The following GALNTL6 variants were observed in gnomAD, a reference collection of about 807,000 sequenced individuals.
GALNTL6 encodes polypeptide N-acetylgalactosaminyltransferase-like 6.
GALNTL6 carries 46 observed loss-of-function variants against 73.7 expected under a neutral mutation model. The observed-to-expected ratio is 0.62, with a 90% CI of 0.49 to 0.80. The LOEUF (loss-of-function observed/expected upper bound fraction) is 0.80. Among genes scored for constraint, GALNTL6 ranks in the 30% least tolerant of loss-of-function variants. The pLI is 0.00. For synonymous variants in GALNTL6, 259 were observed against 263.7 expected (o/e 0.98, Z 0.17); for missense variants, 604 against 755.0 (o/e 0.80, Z 2.34).
At chr4:172,079,452 C>G (rs193226376) in intron 2 of GALNTL6, among the ~76,000 whole-genome samples, 70 of 151,966 alleles carry the variant, frequency 4.6e-4, no homozygotes, top group South Asian at 1.0e-3. Context: ...TTTCTTAGTT[C>G]TCTTTCTGTA....
At chr4:172,364,600 C>T (rs1489890341) in intron 5 of GALNTL6, among the ~76,000 whole-genome samples, 1 of 152,140 alleles carries the variant, frequency 6.6e-6, no homozygotes. Flanking sequence ...GATAACATTT[C>T]TTCCCTTAAC....
chr4:171,874,830 C>A (rs887288169), intron 2 of GALNTL6, among the ~76,000 whole-genome samples: 1 of 152,156 alleles, frequency 6.6e-6, no homozygotes, highest in African/African-American at 2.4e-5. Flanking sequence ...ATATCACAGA[C>A]CCTAACCTCA....
chr4:172,439,927 A>G (rs1479171535), intron 5 of GALNTL6, among the ~76,000 whole-genome samples: 2 of 152,024 alleles, frequency 1.3e-5, no homozygotes, highest in Non-Finnish European at 2.9e-5. Flanking sequence ...GCAAATCATA[A>G]TCACCCGAAG....
chr4:171,966,976 A>T (rs1461535793), intron 2 of GALNTL6, among the ~76,000 whole-genome samples: 1 of 152,218 alleles, frequency 6.6e-6, no homozygotes, highest in Non-Finnish European at 1.5e-5. Context: ...CTAATATAAG[A>T]TACTCCAAAT....
intron 2 of GALNTL6, among the ~76,000 whole-genome samples, chr4:172,005,921 A>C (rs1391476633): frequency 6.6e-6 from 1 of 152,132 alleles, no homozygotes; most frequent in Non-Finnish European, 1.5e-5. Flanking sequence ...CTTTTCTTCA[A>C]TATTGTGATT....
intron 4 of GALNTL6, among the ~76,000 whole-genome samples, chr4:172,324,652 G>T (rs990770767): frequency 6.6e-6 from 1 of 150,754 alleles, no homozygotes; most frequent in African/African-American, 2.4e-5. Context: ...ATTGTACATA[G>T]AATATTTACC....
At chr4:172,183,536 G>T (rs1735322477) in intron 2 of GALNTL6, among the ~76,000 whole-genome samples, 1 of 152,272 alleles carries the variant, frequency 6.6e-6, no homozygotes, top group Admixed American at 6.5e-5. Flanking sequence ...ATGTAGGCAA[G>T]GACTTAGACC....
chr4:172,126,272 G>A (rs1733290782), intron 2 of GALNTL6, among the ~76,000 whole-genome samples: 1 of 152,128 alleles, frequency 6.6e-6, no homozygotes, highest in African/African-American at 2.4e-5. Context: ...TTATTTGGAA[G>A]TGACTTAGAC....
intron 10 of GALNTL6, among the ~76,000 whole-genome samples, chr4:172,980,525 G>A (rs911919978): frequency 6.6e-6 from 1 of 152,200 alleles, no homozygotes; most frequent in African/African-American, 2.4e-5. Context: ...GGAATTCTGA[G>A]ATCAGGATGC....
chr4:172,115,932 G>C (rs1732972618), intron 2 of GALNTL6, among the ~76,000 whole-genome samples: 1 of 151,756 alleles, frequency 6.6e-6, no homozygotes, highest in Non-Finnish European at 1.5e-5. Context: ...TTTCAGATAA[G>C]CCTCTAAATA....
At chr4:172,269,790 C>G (rs1007241045) in intron 3 of GALNTL6, among the ~76,000 whole-genome samples, 1 of 151,562 alleles carries the variant, frequency 6.6e-6, no homozygotes, top group African/African-American at 2.4e-5. Context: ...TTCACTTTGT[C>G]GCCCAGGCTG....
chr4:172,020,474 G>A (rs1444550284), intron 2 of GALNTL6, among the ~76,000 whole-genome samples: 1 of 151,318 alleles, frequency 6.6e-6, no homozygotes, highest in African/African-American at 2.4e-5. Context: ...GGTGATAAAG[G>A]AGACATGACA....
At chr4:172,176,016 G>C (rs1017039877) in intron 2 of GALNTL6, among the ~76,000 whole-genome samples, 2 of 152,056 alleles carry the variant, frequency 1.3e-5, no homozygotes, top group African/African-American at 4.8e-5. Context: ...TCAATTAATA[G>C]AGTGCACAGC....
chr4:172,017,606 G>A (rs1012914366), intron 2 of GALNTL6, among the ~76,000 whole-genome samples: 3 of 152,068 alleles, frequency 2.0e-5, no homozygotes, highest in African/African-American at 7.2e-5. Flanking sequence ...ACTATACCCA[G>A]CACTGTGATT....
chr4:171,955,368 A>T (rs777749706), intron 2 of GALNTL6, among the ~76,000 whole-genome samples: 12 of 125,198 alleles, frequency 9.6e-5, no homozygotes, highest in Non-Finnish European at 1.8e-4. Flanking sequence ...AATGAAATAT[A>T]TCTATCTATC....
intron 2 of GALNTL6, among the ~76,000 whole-genome samples, chr4:171,953,777 T>G (rs1481759266): frequency 3.3e-5 from 5 of 152,150 alleles, no homozygotes; most frequent in Non-Finnish European, 7.4e-5. Context: ...ATTTTTATAT[T>G]CCACAGATAA....
chr4:172,579,286 T>C (rs1436697504), intron 5 of GALNTL6, among the ~76,000 whole-genome samples: 2 of 152,214 alleles, frequency 1.3e-5, no homozygotes, highest in African/African-American at 4.8e-5. Context: ...ATCAAAATTT[T>C]TTCAACGCAA....
chr4:172,247,086 C>T (rs1737687253), intron 3 of GALNTL6, among the ~76,000 whole-genome samples: 1 of 152,090 alleles, frequency 6.6e-6, no homozygotes, highest in Admixed American at 6.6e-5. Context: ...GTGACTTCTG[C>T]TCTCCACCAC....
chr4:172,317,152 A>T (rs1320561434), intron 4 of GALNTL6, among the ~76,000 whole-genome samples: 2 of 152,216 alleles, frequency 1.3e-5, no homozygotes, highest in Non-Finnish European at 2.9e-5. Context: ...TCAGCACTAT[A>T]TGCTATTTCT....
Sources: gnomAD v4.1 joint callset for allele counts (sites outside exome capture counted in the v4.1 genomes callset) on GRCh38, gnomAD v4.1.1 for gene constraint, MANE v1.5 for transcripts, NCBI Gene and HGNC (gene_info 2026-07-23, HGNC 2026-07-21) for gene names.